The following GRM5 variants were observed in gnomAD, a reference collection of about 807,000 sequenced individuals.
GRM5 encodes metabotropic glutamate receptor 5.
Under a neutral mutation model 83.1 loss-of-function variants are expected in GRM5, and 19 were observed. That is an observed-to-expected ratio of 0.23 (90% CI 0.16 to 0.34). The LOEUF (loss-of-function observed/expected upper bound fraction) is 0.34. Ranked by LOEUF, GRM5 falls within the 10% of genes least tolerant of loss-of-function variation. The pLI is 1.00. For synonymous variants in GRM5, 675 were observed against 633.6 expected (o/e 1.07, Z -0.98); for missense variants, 1,160 against 1,588.3 (o/e 0.73, Z 4.58).
At chr11:88,920,300 G>T (rs1336790501) in intron 2 of GRM5, among the ~76,000 whole-genome samples, 1 of 151,650 alleles carries the variant, frequency 6.6e-6, no homozygotes, top group African/African-American at 2.4e-5. Context: ...AGAGGAAACA[G>T]GTAAATTCCT....
chr11:88,807,125 C>T (rs1943511943), intron 3 of GRM5, among the ~76,000 whole-genome samples: 1 of 152,112 alleles, frequency 6.6e-6, no homozygotes, highest in Non-Finnish European at 1.5e-5. Context: ...AAGGCATTGC[C>T]TTTTTACCTC....
At chr11:88,570,577 T>A (rs1295682483) in intron 7 of GRM5, among the ~76,000 whole-genome samples, 70 of 60,376 alleles carry the variant, frequency 1.2e-3, no homozygotes, top group Middle Eastern at 7.4e-3. Flanking sequence ...ATATATTTTT[T>A]TTTTTTTTTT....
chr11:88,885,730 T>C (rs774720548), intron 2 of GRM5, among the ~76,000 whole-genome samples: 49 of 152,182 alleles, frequency 3.2e-4, no homozygotes, highest in African/African-American at 1.0e-3. Context: ...CTTAGGGAGA[T>C]AGCAAGGGTT....
At chr11:88,888,397 G>A (rs1187034270) in intron 2 of GRM5, among the ~76,000 whole-genome samples, 1 of 152,128 alleles carries the variant, frequency 6.6e-6, no homozygotes, top group African/African-American at 2.4e-5. Flanking sequence ...AGAAACAGGG[G>A]AAACACCATT....
intron 2 of GRM5, among the ~76,000 whole-genome samples, chr11:88,903,365 T>C (rs1293089286): frequency 2.6e-5 from 4 of 152,134 alleles, no homozygotes; most frequent in African/African-American, 7.2e-5. Context: ...AAAAATAGAA[T>C]TACCATTTGA....
In GRM5 at chr11:88,770,202, C is replaced by T. The variant is rs11021266; in HGVS notation, c.911+79704G>A. The stretch of plus-strand genomic sequence containing the variant: ...GCAAATAAGGTATGAAAAACTGTTA[C>T]AGCCAAGAGGAGCCTAAGGAGTCCA... On this transcript the variant is annotated intron_variant, in intron 3 of 9. Coordinates refer to ENST00000305447, the MANE Select transcript of GRM5 (RefSeq NM_001143831.3). 6.0e-3 allele frequency among the ~76,000 whole-genome samples: 919 copies of T among 152,094 alleles called. 5 individuals carry two copies. The highest frequency in any genetic ancestry group is 0.01 in the Non-Finnish European group (706 of 67,958).
chr11:88,528,954 T>G (rs1477661892), intron 8 of GRM5, among the ~76,000 whole-genome samples: 1 of 152,078 alleles, frequency 6.6e-6, no homozygotes, highest in African/African-American at 2.4e-5. Context: ...CTCATGCTAT[T>G]TCCATTAATT....
At chr11:88,610,828 C>G (rs1417275014) in intron 4 of GRM5, among the ~76,000 whole-genome samples, 1 of 152,102 alleles carries the variant, frequency 6.6e-6, no homozygotes, top group Non-Finnish European at 1.5e-5. Context: ...CAGCTTTTGC[C>G]TGTTCAGTAT....
intron 4 of GRM5, among the ~76,000 whole-genome samples, chr11:88,612,152 A>G (rs1372632568): frequency 2.3e-5 from 3 of 132,166 alleles, no homozygotes; most frequent in South Asian, 2.5e-4. Flanking sequence ...AGAGTGTGAT[A>G]TTCCCCTTCC....
chr11:88,619,078 C>T (rs891200684), intron 4 of GRM5, among the ~76,000 whole-genome samples: 6 of 152,150 alleles, frequency 3.9e-5, no homozygotes, highest in African/African-American at 7.2e-5. Flanking sequence ...AAATCAGAAG[C>T]CTCCAAAAGG....
intron 3 of GRM5, among the ~76,000 whole-genome samples, chr11:88,759,779 T>C (rs575303528): frequency 6.6e-6 from 1 of 152,196 alleles, no homozygotes; most frequent in Admixed American, 6.6e-5. Flanking sequence ...TATATATTCT[T>C]TGATTGCCAC....
intron 3 of GRM5, among the ~76,000 whole-genome samples, chr11:88,722,830 G>T (rs746097158): frequency 6.6e-6 from 1 of 152,108 alleles, no homozygotes; most frequent in Non-Finnish European, 1.5e-5. Context: ...TTGTAGAATA[G>T]TTGTTACAAT....
chr11:88,985,799 G>C (rs762287449), intron 2 of GRM5, among the ~76,000 whole-genome samples: 1 of 151,824 alleles, frequency 6.6e-6, no homozygotes, highest in Non-Finnish European at 1.5e-5. Flanking sequence ...TGTCAAATAG[G>C]GTTAGCTAAC....
intron 2 of GRM5, among the ~76,000 whole-genome samples, chr11:89,012,523 A>G (rs1940732091): frequency 1.3e-5 from 2 of 152,162 alleles, no homozygotes; most frequent in Admixed American, 6.5e-5. Context: ...ATGATGCGTA[A>G]AAAATATAAT....
chr11:88,567,909 G>GTAACAAA lies in GRM5; in HGVS notation c.1773_1774insTTTGTTA (p.Leu592PhefsTer17). On this transcript the variant is annotated frameshift_variant, in exon 8 of 10. Transcript: ENST00000305447. LOFTEE classifies it high-confidence loss of function. The surrounding 1 kb of genome is among the most constrained non-coding windows in gnomAD (Gnocchi z 7.3). ...ACTACAGTAACAAACAGGGTGGCCAGGAGGCCAAGGCAGGCAAACACCACA... is the reference window on the plus strand; with the variant it reads ...ACTACAGTAACAAACAGGGTGGCCAGTAACAAAGAGGCCAAGGCAGGCAAACACCACA... The GTAACAAA allele has an allele frequency of 6.2e-7, 1 of 1,613,452 alleles. No individual in the cohort carries two copies. The highest frequency in any genetic ancestry group is 8.5e-7 in the Non-Finnish European group (1 of 1,179,360).
chr11:88,509,285 G>A lies in GRM5; in HGVS notation c.2946C>T (p.Cys982=). 6.8e-7 allele frequency: 1 copy of A among 1,481,038 alleles called. No individual in the cohort carries two copies. Among genetic ancestry groups the A allele is most frequent in the Non-Finnish European group, 8.9e-7 (1 of 1,119,788 alleles). The allele number at this position is 1,481,038 out of a possible 1,614,324, so 91.7% of individuals were successfully genotyped here. A position where few individuals can be genotyped will look rare whatever the true frequency, so the allele number is the denominator to read the frequency against. Residue 982 remains cysteine, a synonymous_variant, in exon 10 of 10, where the codon TGC becomes TGT. Transcript: ENST00000305447. ...GGVGATGGAG[C]AGAGPGGPES... ...CGGGCCCGCCTGGGCCGGCGCCTGC[G>A]CAGCCCGCACCGCCCGTGGCCCCCA...
Position 89,010,166 on chromosome 11 carries a change from T to A in GRM5, c.661+37046A>T, listed in dbSNP as rs562457554. 4.5e-4 allele frequency among the ~76,000 whole-genome samples: 69 copies of A among 151,960 alleles called. 1 individual carries two copies. Among genetic ancestry groups the A allele is most frequent in the African/African-American group, 1.6e-3 (67 of 41,500 alleles). On this transcript the variant is annotated intron_variant, in intron 2 of 9. Transcript: ENST00000305447. The stretch of plus-strand genomic sequence containing the variant: ...TATTAAATGTAAATTTTCAAAGTCT[T>A]AAGATCATGGCCTATTATACACGAT...
At chr11:88,736,440 G>A (rs1034532250) in intron 3 of GRM5, among the ~76,000 whole-genome samples, 1 of 152,014 alleles carries the variant, frequency 6.6e-6, no homozygotes, top group African/African-American at 2.4e-5. Flanking sequence ...GGCTAGATGT[G>A]TATATCTTAG....
At chr11:88,613,025 T>C (rs1938369774) in intron 4 of GRM5, 1 of 152,202 alleles carries the variant, frequency 6.6e-6, no homozygotes, top group Non-Finnish European at 1.5e-5. Context: ...TTCTTAGTAA[T>C]GATTTTTAAT....
Sources: gnomAD v4.1 joint callset for allele counts (sites outside exome capture counted in the v4.1 genomes callset) on GRCh38, gnomAD v4.1.1 for gene constraint, Gnocchi (gnomAD v3.1) non-coding constraint, MANE v1.5 for transcripts, NCBI Gene and HGNC (gene_info 2026-07-23, HGNC 2026-07-21) for gene names.